Variants in ASIC2 observed in about 807,000 individuals in gnomAD.
ASIC2 encodes the protein acid-sensing ion channel 2.
ASIC2 carries 25 observed loss-of-function variants against 57.3 expected under a neutral mutation model. That is an observed-to-expected ratio of 0.44 (90% CI 0.32 to 0.61). The LOEUF (loss-of-function observed/expected upper bound fraction) is 0.61. ASIC2 is among the 20% of genes least tolerant of loss of function. ASIC2 has a pLI of 0.06. For synonymous variants in ASIC2, 319 were observed against 307.5 expected (o/e 1.04, Z -0.39); for missense variants, 641 against 738.1 (o/e 0.87, Z 1.52).
chr17:33,962,130 C>G (rs1426565162), intron 1 of ASIC2, among the ~76,000 whole-genome samples: 1 of 152,168 alleles, frequency 6.6e-6, no homozygotes, highest in Admixed American at 6.5e-5. Flanking sequence ...GTTCTGTGGG[C>G]CTGCCAAACA....
At chr17:33,991,970 T>C (rs1260149879) in intron 1 of ASIC2, among the ~76,000 whole-genome samples, 2 of 152,144 alleles carry the variant, frequency 1.3e-5, no homozygotes, top group African/African-American at 4.8e-5. Context: ...CAGGAGGTGT[T>C]TGATCTTTAA....
chr17:33,167,908 C>T (rs942775703), intron 1 of ASIC2, among the ~76,000 whole-genome samples: 2 of 152,338 alleles, frequency 1.3e-5, no homozygotes, highest in African/African-American at 2.4e-5. Flanking sequence ...AATGTTCCCT[C>T]CAAAGCTCCT....
intron 1 of ASIC2, among the ~76,000 whole-genome samples, chr17:33,593,847 C>T (rs1904903106): frequency 6.6e-6 from 1 of 152,222 alleles, no homozygotes; most frequent in Admixed American, 6.5e-5. Context: ...TTCTTCATTT[C>T]TCCAAAGACT....
chr17:33,226,325 T>C (rs917172222), intron 1 of ASIC2, among the ~76,000 whole-genome samples: 1 of 152,216 alleles, frequency 6.6e-6, no homozygotes, highest in Non-Finnish European at 1.5e-5. Flanking sequence ...TACTATACAC[T>C]AACTCTGTTA....
intron 1 of ASIC2, among the ~76,000 whole-genome samples, chr17:33,140,589 C>T (rs1186866542): frequency 6.6e-6 from 1 of 152,204 alleles, no homozygotes; most frequent in Non-Finnish European, 1.5e-5. Flanking sequence ...GCTATTTCCT[C>T]CACCCAAGGG....
At chr17:33,404,588 G>C (rs974872834) in intron 1 of ASIC2, among the ~76,000 whole-genome samples, 1 of 152,192 alleles carries the variant, frequency 6.6e-6, no homozygotes, top group African/African-American at 2.4e-5. Flanking sequence ...TAAGAGCTCA[G>C]TTTTGACCTG....
At chr17:33,870,312 G>C (rs978896668) in intron 1 of ASIC2, among the ~76,000 whole-genome samples, 4 of 90,902 alleles carry the variant, frequency 4.4e-5, no homozygotes, top group Non-Finnish European at 9.7e-5. Context: ...GTTTGGGAGA[G>C]AGAAAGAACG....
At chr17:33,480,245 G>T (rs1280117921) in intron 1 of ASIC2, among the ~76,000 whole-genome samples, 2 of 152,134 alleles carry the variant, frequency 1.3e-5, no homozygotes, top group Non-Finnish European at 2.9e-5. Context: ...CCTTTCTCAT[G>T]GGGGAGACAG....
intron 1 of ASIC2, among the ~76,000 whole-genome samples, chr17:33,325,145 A>C (rs1325272279): frequency 6.6e-6 from 1 of 152,204 alleles, no homozygotes; most frequent in Non-Finnish European, 1.5e-5. Flanking sequence ...ACAAACAAAC[A>C]AGAAAGCTAG....
chr17:33,269,691 C>CCTTT (rs1904394768), intron 1 of ASIC2, among the ~76,000 whole-genome samples: 1 of 69,160 alleles, frequency 1.4e-5, no homozygotes, highest in Non-Finnish European at 3.1e-5. Context: ...TCCCTCCTGC[C>CCTTT]TGCCTGCCTG....
intron 1 of ASIC2, among the ~76,000 whole-genome samples, chr17:34,062,644 T>G (rs4795853): frequency 0.9 from 136,934 of 152,148 alleles, 61,958 homozygotes; most frequent in African/African-American, 0.98. Context: ...AAGAAAAGAA[T>G]AGAGTAAATC....
chr17:33,781,941 C>T (rs953149166), intron 1 of ASIC2, among the ~76,000 whole-genome samples: 2 of 152,158 alleles, frequency 1.3e-5, no homozygotes, highest in South Asian at 2.1e-4. Context: ...CTCAAGCCAC[C>T]GGTGGCTCTC....
chr17:33,900,779 G>T (rs1004080421), intron 1 of ASIC2, among the ~76,000 whole-genome samples: 1 of 152,192 alleles, frequency 6.6e-6, no homozygotes, highest in Non-Finnish European at 1.5e-5. Context: ...GGTGGGGGCT[G>T]CCCATTCAAC....
At chr17:33,504,400 G>A (rs994438886) in intron 1 of ASIC2, among the ~76,000 whole-genome samples, 8 of 152,302 alleles carry the variant, frequency 5.3e-5, no homozygotes, top group Admixed American at 2.6e-4. Context: ...GTGCAGTACT[G>A]CAATCTCAGT....
At chr17:33,754,727 C>T (rs926900142) in intron 1 of ASIC2, among the ~76,000 whole-genome samples, 7 of 151,848 alleles carry the variant, frequency 4.6e-5, no homozygotes, top group East Asian at 1.9e-4. Flanking sequence ...GAGGCCGAGG[C>T]GGGCAGATCA....
intron 1 of ASIC2, among the ~76,000 whole-genome samples, chr17:33,436,054 A>G (rs1911596668): frequency 6.6e-6 from 1 of 152,290 alleles, no homozygotes; most frequent in African/African-American, 2.4e-5. Flanking sequence ...TGCAAAGATG[A>G]TGACAGTGAG....
chr17:33,920,430 A>G (rs1449318816), intron 1 of ASIC2, among the ~76,000 whole-genome samples: 2 of 152,198 alleles, frequency 1.3e-5, no homozygotes, highest in South Asian at 4.1e-4. Flanking sequence ...GGTGGAGGCC[A>G]TTATCCGAAG....
chr17:34,036,975 G>A (rs1418557469), intron 1 of ASIC2: 3 of 152,606 alleles, frequency 2.0e-5, no homozygotes, highest in Middle Eastern at 3.4e-3. Flanking sequence ...ACATTGCCAC[G>A]TACTTGCTAA....
chr17:33,960,490 T>C (rs1311468797), intron 1 of ASIC2, among the ~76,000 whole-genome samples: 1 of 152,220 alleles, frequency 6.6e-6, no homozygotes, highest in Non-Finnish European at 1.5e-5. Flanking sequence ...ATTACACTCA[T>C]GGAGAACTGT....
Sources: allele counts gnomAD v4.1 joint callset (sites outside exome capture counted in the v4.1 genomes callset), GRCh38; gene constraint gnomAD v4.1.1; transcripts MANE v1.5; gene names NCBI Gene and HGNC (gene_info 2026-07-23, HGNC 2026-07-21).